NPR3: variants seen among roughly 807,000 people sequenced by gnomAD.
The protein encoded by NPR3 is atrial natriuretic peptide receptor 3.
A neutral mutation model predicts 54.5 loss-of-function variants in NPR3; 34 were observed. That is an observed-to-expected ratio of 0.62 (90% CI 0.47 to 0.83). The LOEUF (loss-of-function observed/expected upper bound fraction) is 0.83. Ranked by LOEUF, NPR3 falls within the 40% of genes least tolerant of loss-of-function variation. The pLI is 0.00. For missense variants in NPR3, 674 were observed against 720.8 expected (o/e 0.94, Z 0.74); for synonymous variants, 289 against 297.1 (o/e 0.97, Z 0.28).
intron 3 of NPR3, among the ~76,000 whole-genome samples, chr5:32,756,850 T>C (rs1026302003): frequency 1.3e-5 from 2 of 152,224 alleles, no homozygotes; most frequent in African/African-American, 2.4e-5. Flanking sequence ...GCACCATTTA[T>C]TAAATAGGGA....
chr5:32,788,940 T>G lies in NPR3; in HGVS notation c.*2595T>G, dbSNP rs1271074179. On this transcript the variant is annotated 3_prime_UTR_variant, in exon 8 of 8. Coordinates refer to ENST00000265074, the MANE Select transcript of NPR3 (RefSeq NM_001204375.2). ...TTAAGTTGGAAACCTTGGTTAAAAA[T>G]GTAGGTGCCTGGCCCATGGTTACCC... 6.6e-6 allele frequency: 1 copy of G among 152,376 alleles called. No individual in the cohort carries two copies. Among genetic ancestry groups the G allele is most frequent in the African/African-American group, 2.4e-5 (1 of 41,444 alleles). The allele number at this position is 152,376 out of a possible 1,614,324, so 9.4% of individuals were successfully genotyped here.
upstream of NPR3, chr5:32,710,702 G>C: frequency 6.5e-7 from 1 of 1,546,578 alleles, no homozygotes; most frequent in Non-Finnish European, 8.7e-7. Flanking sequence ...CTTGTTCCCT[G>C]ACCTTGCGCC....
intron 1 of NPR3, among the ~76,000 whole-genome samples, chr5:32,697,637 A>G (rs912045443): frequency 6.6e-6 from 1 of 151,930 alleles, no homozygotes; most frequent in Non-Finnish European, 1.5e-5. Flanking sequence ...TTCTCTGCTG[A>G]GAGACTTTTT....
In NPR3 at chr5:32,723,366, G is replaced by GC. The variant is rs146910201; in HGVS notation, c.770-1331dup. ...TAGGCAACAATATCCAATTCGAGAG[G>GC]CTCTCGAGTTGTGTGAAGCCTCTTG... On this transcript the variant is annotated intron_variant, in intron 1 of 7. Transcript: ENST00000265074. Among the ~76,000 whole-genome samples the GC allele has an allele frequency of 4.2e-4, 64 of 152,282 alleles. 1 individual carries two copies. In the East Asian group the frequency reaches 0.012, roughly 29 times the overall value.
intron 3 of NPR3, among the ~76,000 whole-genome samples, chr5:32,742,660 A>G (rs577124012): frequency 1.8e-4 from 28 of 152,306 alleles, no homozygotes; most frequent in Non-Finnish European, 3.1e-4. Flanking sequence ...AAGAGCATAT[A>G]ACAGAATTCA....
At chr5:32,722,340 T>C (rs1738908564) in intron 1 of NPR3, among the ~76,000 whole-genome samples, 1 of 152,220 alleles carries the variant, frequency 6.6e-6, no homozygotes, top group Non-Finnish European at 1.5e-5. Flanking sequence ...GATTTCATCC[T>C]TACTTGCATC....
chr5:32,754,537 G>A (rs1348794548), intron 3 of NPR3, among the ~76,000 whole-genome samples: 2 of 151,936 alleles, frequency 1.3e-5, no homozygotes, highest in East Asian at 3.9e-4. Context: ...ATATTGCTGG[G>A]GATTCAGCCC....
upstream of NPR3, among the ~76,000 whole-genome samples, chr5:32,706,467 G>A (rs1314755972): frequency 2.6e-5 from 4 of 152,212 alleles, no homozygotes; most frequent in Non-Finnish European, 5.9e-5. Flanking sequence ...CAAGGTTATG[G>A]CAATGGTTTC....
In NPR3 at chr5:32,739,987, C is replaced by T. The variant is rs992536121; in HGVS notation, c.1059+957C>T. On this transcript the variant is annotated intron_variant, in intron 3 of 7. Transcript: ENST00000265074. ...CCTCAAACTCCTGGGCTCAAGCGATCCTCCAAGTTCAGCCCCCTGAGTAGC... is the reference window on the plus strand; with the variant it reads ...CCTCAAACTCCTGGGCTCAAGCGATTCTCCAAGTTCAGCCCCCTGAGTAGC... Among the ~76,000 whole-genome samples, 19 of 152,308 alleles carry T rather than the reference C, an allele frequency of 1.2e-4. 1 individual carries two copies. Among genetic ancestry groups the T allele is most frequent in the African/African-American group, 4.1e-4 (17 of 41,574 alleles).
At chr5:32,730,122 C>A (rs56657226) in intron 2 of NPR3, among the ~76,000 whole-genome samples, 1 of 151,728 alleles carries the variant, frequency 6.6e-6, no homozygotes, top group Non-Finnish European at 1.5e-5. Flanking sequence ...TATGACCAAG[C>A]GGGGTTTATC....
chr5:32,736,766 C>T (rs1437244555), intron 2 of NPR3, among the ~76,000 whole-genome samples: 2 of 152,006 alleles, frequency 1.3e-5, no homozygotes, highest in Non-Finnish European at 2.9e-5. Context: ...ACTGTGGCCT[C>T]CTCAGTGTCT....
intron 3 of NPR3, among the ~76,000 whole-genome samples, chr5:32,761,694 A>T (rs1182929720): frequency 6.6e-6 from 1 of 150,908 alleles, no homozygotes; most frequent in African/African-American, 2.4e-5. Flanking sequence ...CTCTGCTGAG[A>T]TTACTCATAT....
rs190669158 is a variant in NPR3 at position 32,765,685 on chromosome 5, G to A, written c.1060-9023G>A. ...CAAATTTTCACTGAGTGCAGTTATGGAAGGAAGGAGGAATTGGATGGTTCA... is the reference window on the plus strand; with the variant it reads ...CAAATTTTCACTGAGTGCAGTTATGAAAGGAAGGAGGAATTGGATGGTTCA... On this transcript the variant is annotated intron_variant, in intron 3 of 7. Transcript: ENST00000265074. Among the ~76,000 whole-genome samples, 318 of 152,334 alleles carry A rather than the reference G, an allele frequency of 2.1e-3. 1 individual carries two copies. Among genetic ancestry groups the A allele is most frequent in the African/African-American group, 7.3e-3 (305 of 41,568 alleles).
chr5:32,705,356 C>T (rs1200600226), upstream of NPR3, among the ~76,000 whole-genome samples: 2 of 152,212 alleles, frequency 1.3e-5, no homozygotes, highest in Non-Finnish European at 2.9e-5. Flanking sequence ...AGTCTATTCT[C>T]ACACTGCTAT....
At chr5:32,776,630 C>T (rs568659767) in intron 4 of NPR3, among the ~76,000 whole-genome samples, 1 of 152,182 alleles carries the variant, frequency 6.6e-6, no homozygotes, top group African/African-American at 2.4e-5. Context: ...ACTGCAGGAG[C>T]CTTGCAGATA....
At chr5:32,727,762 A>G (rs1739212902) in intron 2 of NPR3, among the ~76,000 whole-genome samples, 1 of 152,168 alleles carries the variant, frequency 6.6e-6, no homozygotes, top group Non-Finnish European at 1.5e-5. Context: ...CCTCTGCTCT[A>G]ATAGTTTTTA....
At chr5:32,732,635 A>T (rs1229888215) in intron 2 of NPR3, among the ~76,000 whole-genome samples, 3 of 152,154 alleles carry the variant, frequency 2.0e-5, no homozygotes, top group Non-Finnish European at 2.9e-5. Flanking sequence ...ACAGAATCAC[A>T]TGGTGGGCAG....
upstream of NPR3, among the ~76,000 whole-genome samples, chr5:32,707,272 G>T (rs1738021785): frequency 6.6e-6 from 1 of 151,996 alleles, no homozygotes; most frequent in Admixed American, 6.5e-5. Context: ...TGCAGCTTCT[G>T]ATGAGATTGA....
chr5:32,714,408 C>T (rs1409535505), intron 1 of NPR3, among the ~76,000 whole-genome samples: 3 of 133,704 alleles, frequency 2.2e-5, no homozygotes, highest in Admixed American at 7.3e-5. Context: ...GGCCTGGGGA[C>T]TGGTGCGCCC....
Sources: allele counts gnomAD v4.1 joint callset (sites outside exome capture counted in the v4.1 genomes callset), GRCh38; gene constraint gnomAD v4.1.1; transcripts MANE v1.5; gene names NCBI Gene and HGNC (gene_info 2026-07-23, HGNC 2026-07-21).